ABCB9: variants seen among roughly 807,000 people sequenced by gnomAD.
The protein encoded by ABCB9 is ATP binding cassette subfamily B member 9.
Under a neutral mutation model 62.0 loss-of-function variants are expected in ABCB9, and 36 were observed. The observed-to-expected ratio is 0.58, with a 90% CI of 0.45 to 0.77. ABCB9 has a LOEUF of 0.77. ABCB9 is among the 30% of genes least tolerant of loss of function. The pLI is 0.00. For synonymous variants in ABCB9, 435 were observed against 461.4 expected, an observed-to-expected ratio of 0.94 and a Z score of 0.73; for missense variants, 943 against 1,054.7, an observed-to-expected ratio of 0.89 and a Z score of 1.47.
intron 10 of ABCB9, among the ~76,000 whole-genome samples, chr12:122,934,653 A>C (rs1194396901): frequency 6.6e-6 from 1 of 151,748 alleles, no homozygotes; most frequent in East Asian, 1.9e-4. Flanking sequence ...AAAAAAAAAA[A>C]AAACTAAAAA....
intron 2 of ABCB9, among the ~76,000 whole-genome samples, chr12:122,954,279 A>G (rs1190306173): frequency 6.6e-6 from 1 of 151,584 alleles, no homozygotes; most frequent in African/African-American, 2.4e-5. Flanking sequence ...TGCGATCTCC[A>G]CTCACAGCAA....
At chr12:122,918,947 T>C (rs1217175993), downstream of ABCB9, among the ~76,000 whole-genome samples, 2 of 152,190 alleles carry the variant, frequency 1.3e-5, no homozygotes, top group Non-Finnish European at 2.9e-5. Context: ...TCTATCCCTA[T>C]AGATTTGCTT....
Position 122,947,419 on chromosome 12 carries a change from C to A in ABCB9, c.1054-1197G>T. 2.3e-6 allele frequency: 1 copy of A among 436,542 alleles called. No homozygotes were observed. The highest frequency in any genetic ancestry group is 4.6e-6 in the Non-Finnish European group (1 of 215,668). The allele number at this position is 436,542 out of a possible 1,614,324, so 27.0% of individuals were successfully genotyped here. On this transcript the variant is annotated intron_variant, in intron 5 of 11. Coordinates refer to ENST00000280560, the MANE Select transcript of ABCB9 (RefSeq NM_019625.4). The surrounding 1 kb of genome is among the most constrained non-coding windows in gnomAD (Gnocchi z 6.0). The stretch of plus-strand genomic sequence containing the variant: ...GGGTGGGAGATGGCTTCCTTTGCTA[C>A]CCTGGTCTCAGGTCACCAACACCAA...
Position 122,944,370 on chromosome 12 carries a change from C to A in ABCB9, c.1380+21G>T. The A allele has an allele frequency of 6.2e-7, 1 of 1,608,104 alleles. No homozygotes were observed. The highest frequency in any genetic ancestry group is 1.1e-5 in the South Asian group (1 of 90,600). On this transcript the variant is annotated intron_variant, in intron 7 of 11. Transcript: ENST00000280560. This position sits in a 1 kb window ranked among gnomAD's most constrained non-coding sequence, Gnocchi z 4.9. ...AAACTCCTCCCTTCTCTCTGGATCC[C>A]CGGACACACTGGCCTCTCACCTCCA...
At chr12:122,945,559 T>C (rs2035987098) in intron 6 of ABCB9, among the ~76,000 whole-genome samples, 1 of 152,104 alleles carries the variant, frequency 6.6e-6, no homozygotes, top group Non-Finnish European at 1.5e-5. Flanking sequence ...GTCAGGTGAC[T>C]GGGAGAGGGG....
At chr12:122,942,371 T>C (rs2035808495) in intron 7 of ABCB9, among the ~76,000 whole-genome samples, 2 of 151,896 alleles carry the variant, frequency 1.3e-5, no homozygotes, top group African/African-American at 2.4e-5. Context: ...GCGGATCATT[T>C]GAGGTCAGAA....
At position 122,946,122 on chromosome 12, in the gene ABCB9, T is replaced by A; in HGVS notation, c.1154A>T (p.Glu385Val). ...CCGCAGGTACACCTCTGCCTCCTCC[T>A]CCTCATTGGCGAAGCTCCGGACAGT... Reference protein sequence around the residue: ...MKTVRSFANEEEEAEVYLRKL... With the variant: ...MKTVRSFANEVEEAEVYLRKL... Residue 385 changes from glutamate to valine, a missense_variant, in exon 6 of 12, where the codon GAG (glutamate) becomes GTG (valine). Coordinates refer to ENST00000280560, the MANE Select transcript of ABCB9 (RefSeq NM_019625.4). The A allele has an allele frequency of 6.2e-7, 1 of 1,614,066 alleles. No individual in the cohort carries two copies. Among genetic ancestry groups the A allele is most frequent in the Non-Finnish European group, 8.5e-7 (1 of 1,180,010 alleles).
At chr12:122,971,037 CAG>C (rs1479906802), upstream of ABCB9, among the ~76,000 whole-genome samples, 1 of 152,084 alleles carries the variant, frequency 6.6e-6, no homozygotes, top group African/African-American at 2.4e-5. Flanking sequence ...AGGCAGGGCA[CAG>C]AGGATTTTTA....
chr12:122,964,632 C>T lies in ABCB9; in HGVS notation c.-88+1655G>A, dbSNP rs1391294671. 1.3e-5 allele frequency among the ~76,000 whole-genome samples: 2 copies of T among 152,262 alleles called. No homozygotes were observed. Among genetic ancestry groups the T allele is most frequent in the Non-Finnish European group, 2.9e-5 (2 of 68,046 alleles). ...CCACCAGCCAAGGCTGCTTAGAGGCCTGTCACCGCTCTCCAACTGCCTGAC... is the reference window on the plus strand; with the variant it reads ...CCACCAGCCAAGGCTGCTTAGAGGCTTGTCACCGCTCTCCAACTGCCTGAC... On this transcript the variant is annotated intron_variant, in intron 1 of 11. Coordinates refer to ENST00000280560, the MANE Select transcript of ABCB9 (RefSeq NM_019625.4). This position sits in a 1 kb window ranked among gnomAD's most constrained non-coding sequence, Gnocchi z 4.7.
rs1295530029 is a variant in ABCB9 at position 122,947,111 on chromosome 12, C to T, written c.1054-889G>A. On this transcript the variant is annotated intron_variant, in intron 5 of 11. Coordinates refer to ENST00000280560, the MANE Select transcript of ABCB9 (RefSeq NM_019625.4). The surrounding 1 kb of genome is among the most constrained non-coding windows in gnomAD (Gnocchi z 6.0). ...GGGTGGAAAACCCAAACAGAGCCTT[C>T]CTGAGGCCTCCCTTAGCTGAACTAA... Among the ~76,000 whole-genome samples the T allele has an allele frequency of 6.6e-6, 1 of 152,188 alleles. No homozygotes were observed. Among genetic ancestry groups the T allele is most frequent in the East Asian group, 1.9e-4 (1 of 5,196 alleles).
downstream of ABCB9, among the ~76,000 whole-genome samples, chr12:122,924,175 G>C (rs1367287164): frequency 6.6e-6 from 1 of 152,194 alleles, no homozygotes; most frequent in Non-Finnish European, 1.5e-5. Context: ...ACACTCTCCA[G>C]ACGAAGGCAG....
At chr12:122,953,106 T>A (rs1193624211) in intron 2 of ABCB9, 1 of 152,252 alleles carries the variant, frequency 6.6e-6, no homozygotes, top group Non-Finnish European at 1.5e-5. Context: ...CCCATCTCAC[T>A]CCCTCTGCTC....
At chr12:122,975,024 C>A in exon 1 of ABCB9, 1 of 444,514 alleles carries the variant, frequency 2.2e-6, no homozygotes. Flanking sequence ...GCCATTAGTC[C>A]CTGCCTCGTA....
chr12:122,924,551 TTTA>T, downstream of ABCB9: 2 of 1,250,928 alleles, frequency 1.6e-6, no homozygotes, highest in Non-Finnish European at 2.1e-6. Flanking sequence ...TTAATGGCTG[TTTA>T]CTGAGCACAT....
intron 2 of ABCB9, among the ~76,000 whole-genome samples, chr12:122,958,500 C>T (rs1275074025): frequency 3.3e-5 from 5 of 152,078 alleles, no homozygotes; most frequent in African/African-American, 1.2e-4. Flanking sequence ...TTTCTGGGTC[C>T]TTTTCCTGCA....
intron 2 of ABCB9, among the ~76,000 whole-genome samples, chr12:122,956,677 C>T (rs986423459): frequency 6.6e-6 from 1 of 152,188 alleles, no homozygotes; most frequent in Non-Finnish European, 1.5e-5. Context: ...TATGCCAGCA[C>T]ATCTGGCTAA....
At chr12:122,958,576 C>T (rs867068137) in intron 2 of ABCB9, among the ~76,000 whole-genome samples, 15 of 152,140 alleles carry the variant, frequency 9.9e-5, no homozygotes, top group South Asian at 4.1e-4. Context: ...TTGTGGCTTG[C>T]GCCTGTAATC....
At chr12:122,968,085 A>G (rs1485335623), upstream of ABCB9, among the ~76,000 whole-genome samples, 1 of 152,122 alleles carries the variant, frequency 6.6e-6, no homozygotes, top group Non-Finnish European at 1.5e-5. Flanking sequence ...AAAAAAAAAT[A>G]GAAGACATAG....
In ABCB9 at chr12:122,950,314, A is replaced by G. The variant is rs571821937; in HGVS notation, c.716+137T>C. ...AGTGTGGAAGCCGGTTCCCAGGGTG[A>G]CCAGCTGAGGGACAGGCCCACCAGG... On this transcript the variant is annotated intron_variant, in intron 3 of 11. Coordinates refer to ENST00000280560, the MANE Select transcript of ABCB9 (RefSeq NM_019625.4). The G allele has an allele frequency of 4.3e-5, 34 of 791,304 alleles. No homozygotes were observed. The African/African-American group carries it at 5.4e-4, about 13-fold the overall frequency. The allele number at this position is 791,304 out of a possible 1,614,324, so 49.0% of individuals were successfully genotyped here.
Sources: allele counts gnomAD v4.1 joint callset (sites outside exome capture counted in the v4.1 genomes callset), GRCh38; gene constraint gnomAD v4.1.1; non-coding constraint Gnocchi (gnomAD v3.1); transcripts MANE v1.5; gene names NCBI Gene and HGNC (gene_info 2026-07-23, HGNC 2026-07-21).